CTNNBL1: variants seen among roughly 807,000 people sequenced by gnomAD.
CTNNBL1 encodes beta-catenin-like protein 1.
In CTNNBL1, 31 loss-of-function variants were observed where a neutral mutation model predicts 72.7. The observed-to-expected ratio is 0.43, with a 90% confidence interval of 0.32 to 0.58. The LOEUF (loss-of-function observed/expected upper bound fraction) is 0.58. Ranked by LOEUF, CTNNBL1 falls within the 20% of genes least tolerant of loss-of-function variation. CTNNBL1 has a pLI of 0.08. For missense variants in CTNNBL1, 534 were observed against 725.1 expected, an observed-to-expected ratio of 0.74 and a Z score of 3.03; for synonymous variants, 240 against 267.3, an observed-to-expected ratio of 0.90 and a Z score of 1.00.
intron 11 of CTNNBL1, 83 bp from the exon 12 acceptor site, chr20:37,840,019 C>A: frequency 1.0e-6 from 1 of 966,112 alleles, no homozygotes. Context: ...ATTCTGCCCT[C>A]AATAGAACCA....
chr20:37,853,091 CCTT>C (rs2072410989), intron 13 of CTNNBL1, among the ~76,000 whole-genome samples: 1 of 152,138 alleles, frequency 6.6e-6, no homozygotes, highest in African/African-American at 2.4e-5. Flanking sequence ...AAGCTGGGTG[CCTT>C]CTTTAGAATG....
At chr20:37,721,671 T>G (rs972765308) in intron 1 of CTNNBL1, among the ~76,000 whole-genome samples, 1 of 152,260 alleles carries the variant, frequency 6.6e-6, no homozygotes, top group Non-Finnish European at 1.5e-5. Flanking sequence ...CTAATCCAGT[T>G]TCTCTCTTAA....
chr20:37,822,972 T>G (rs2072122844), intron 11 of CTNNBL1, among the ~76,000 whole-genome samples: 1 of 152,200 alleles, frequency 6.6e-6, no homozygotes, highest in Admixed American at 6.5e-5. Flanking sequence ...TTGCACTGGG[T>G]GTATAGAAAG....
intron 10 of CTNNBL1, among the ~76,000 whole-genome samples, chr20:37,779,757 C>T (rs1414018398): frequency 1.3e-5 from 2 of 152,130 alleles, no homozygotes; most frequent in Non-Finnish European, 1.5e-5. Context: ...ATATTTTTCA[C>T]TCCTCATTCA....
At chr20:37,774,642 A>G (rs1429657647) in intron 7 of CTNNBL1, among the ~76,000 whole-genome samples, 2 of 152,354 alleles carry the variant, frequency 1.3e-5, no homozygotes, top group South Asian at 2.1e-4. Context: ...TGTGGAACCA[A>G]GAATTCTCAG....
chr20:37,802,041 G>A (rs765645420), intron 10 of CTNNBL1, among the ~76,000 whole-genome samples: 2 of 152,214 alleles, frequency 1.3e-5, no homozygotes, highest in Non-Finnish European at 2.9e-5. Flanking sequence ...CGCTTGGAGT[G>A]AGCAATCCAA....
chr20:37,835,816 A>G (rs1258956510), intron 11 of CTNNBL1, among the ~76,000 whole-genome samples: 2 of 152,208 alleles, frequency 1.3e-5, no homozygotes, highest in Non-Finnish European at 2.9e-5. Flanking sequence ...GGAATTCTAG[A>G]TAGCCATTTT....
At chr20:37,711,333 G>T (rs898923850) in intron 1 of CTNNBL1, among the ~76,000 whole-genome samples, 1 of 151,872 alleles carries the variant, frequency 6.6e-6, no homozygotes. Flanking sequence ...TGCTAGTCAG[G>T]CTGTGAGACA....
intron 13 of CTNNBL1, among the ~76,000 whole-genome samples, chr20:37,856,970 T>C (rs182702193): frequency 2.6e-5 from 4 of 152,346 alleles, no homozygotes; most frequent in Admixed American, 2.6e-4. Context: ...AAGTTACTCA[T>C]TTCCATATCA....
chr20:37,747,876 A>G lies in CTNNBL1; in HGVS notation c.466+1269A>G, dbSNP rs115471239. ...GTTACTGAGAGGATCAAAGGAGTGT[A>G]TAAGTGCTGAGCACAGTTCTTGATA... is the stretch of plus-strand genomic sequence containing the variant. On this transcript the variant is annotated intron_variant, in intron 4 of 15. Coordinates refer to ENST00000361383, the MANE Select transcript of CTNNBL1 (RefSeq NM_030877.5). Among the ~76,000 whole-genome samples the G allele has an allele frequency of 5.6e-3, 854 of 152,338 alleles. 6 individuals are homozygous for G. The highest frequency in any genetic ancestry group is 0.019 in the African/African-American group (800 of 41,578).
intron 15 of CTNNBL1, among the ~76,000 whole-genome samples, chr20:37,864,914 T>C (rs1212893185): frequency 5.3e-5 from 8 of 152,012 alleles, no homozygotes; most frequent in Admixed American, 5.2e-4. Flanking sequence ...GCCTTTGGGG[T>C]ACAGTGTCAT....
At chr20:37,865,722 A>AGTCTCCTG in intron 15 of CTNNBL1, among the ~76,000 whole-genome samples, 1 of 152,192 alleles carries the variant, frequency 6.6e-6, no homozygotes, top group East Asian at 1.9e-4. Context: ...TCGATGTTTT[A>AGTCTCCTG]GTCTCCTGGT....
In CTNNBL1 at chr20:37,708,337, A is replaced by C. The variant is rs918755490; in HGVS notation, c.30+14185A>C. Reference sequence around the variant, plus strand: ...CAGGTGTGTGCCACCATGCCCAGCTAATTTTTGTATTTTTTGTAGAGATGG... The same window carrying C: ...CAGGTGTGTGCCACCATGCCCAGCTCATTTTTGTATTTTTTGTAGAGATGG... On this transcript the variant is annotated intron_variant, in intron 1 of 15. Transcript: ENST00000361383. Among the ~76,000 whole-genome samples the C allele has an allele frequency of 5.9e-5, 9 of 151,854 alleles. No homozygotes were observed. In the South Asian group the frequency reaches 8.3e-4, roughly 14 times the overall value.
chr20:37,828,402 A>C (rs2072179226), intron 11 of CTNNBL1, among the ~76,000 whole-genome samples: 1 of 152,106 alleles, frequency 6.6e-6, no homozygotes, highest in South Asian at 2.1e-4. Context: ...TTTTTTAAAA[A>C]TATGCCTATT....
chr20:37,795,087 G>A (rs1238594862), intron 10 of CTNNBL1, among the ~76,000 whole-genome samples: 1 of 150,576 alleles, frequency 6.6e-6, no homozygotes, highest in African/African-American at 2.4e-5. Flanking sequence ...AGCTACTTGG[G>A]TCTCTGGGTT....
At chr20:37,712,294 A>G (rs933893525) in intron 1 of CTNNBL1, among the ~76,000 whole-genome samples, 2 of 152,236 alleles carry the variant, frequency 1.3e-5, no homozygotes, top group Non-Finnish European at 2.9e-5. Context: ...GCATCCCCTC[A>G]TGGCCTGAGG....
chr20:37,800,193 G>T (rs1195383701), intron 10 of CTNNBL1, among the ~76,000 whole-genome samples: 1 of 152,168 alleles, frequency 6.6e-6, no homozygotes, highest in African/African-American at 2.4e-5. Context: ...TGTTTTTGAT[G>T]AATACTGCCT....
At chr20:37,728,133 C>T (rs1399500534) in intron 1 of CTNNBL1, among the ~76,000 whole-genome samples, 1 of 152,066 alleles carries the variant, frequency 6.6e-6, no homozygotes, top group Non-Finnish European at 1.5e-5. Flanking sequence ...CTGTGCTGTT[C>T]AGTACTATAG....
rs187050926 is a variant in CTNNBL1, at chr20:37,704,066, C to T, written c.30+9914C>T. Among the ~76,000 whole-genome samples, 431 of 152,256 alleles carry T rather than the reference C, an allele frequency of 2.8e-3. 5 individuals carry two copies. Among genetic ancestry groups the T allele is most frequent in the East Asian group, 0.017 (88 of 5,180 alleles). ...TGCTGGGATTACAGGCATGAGCCAC[C>T]GTGCCCGGCCATGGTTCTTTTCTTC... On this transcript the variant is annotated intron_variant, in intron 1 of 15. Coordinates refer to ENST00000361383, the MANE Select transcript of CTNNBL1 (RefSeq NM_030877.5).
Sources: gnomAD v4.1 joint callset for allele counts (sites outside exome capture counted in the v4.1 genomes callset) on GRCh38, gnomAD v4.1.1 for gene constraint, MANE v1.5 for transcripts, NCBI Gene and HGNC (gene_info 2026-07-23, HGNC 2026-07-21) for gene names.